Variants in PPP2R2B observed in about 807,000 individuals in gnomAD.
The protein encoded by PPP2R2B is serine/threonine-protein phosphatase 2A 55 kDa regulatory subunit B beta isoform.
In PPP2R2B, 5 loss-of-function variants were observed where a neutral mutation model predicts 46.0. That is an observed-to-expected ratio of 0.11 (90% CI 0.06 to 0.23). PPP2R2B has a LOEUF of 0.23. Ranked by LOEUF, PPP2R2B falls within the 10% of genes least tolerant of loss-of-function variation. The probability of loss-of-function intolerance (pLI) is 1.00; values close to 1 mark genes in which losing one functional copy is unlikely to be tolerated. For synonymous variants in PPP2R2B, 215 were observed against 206.7 expected, an observed-to-expected ratio of 1.04 and a Z score of -0.34; for missense variants, 367 against 575.0, an observed-to-expected ratio of 0.64 and a Z score of 3.70.
intron 1 of PPP2R2B, among the ~76,000 whole-genome samples, chr5:146,928,764 C>T (rs1277045810): frequency 6.6e-6 from 1 of 152,156 alleles, no homozygotes; most frequent in East Asian, 1.9e-4. Context: ...CTGATCATAT[C>T]AGTTTTCTAC....
intron 2 of PPP2R2B, among the ~76,000 whole-genome samples, chr5:146,841,958 A>G (rs1759676874): frequency 6.6e-6 from 1 of 152,174 alleles, no homozygotes; most frequent in Non-Finnish European, 1.5e-5. Context: ...AAGAGATTTG[A>G]TATCAGAAAT....
chr5:146,730,245 C>T (rs1014827055), intron 2 of PPP2R2B, among the ~76,000 whole-genome samples: 1 of 152,162 alleles, frequency 6.6e-6, no homozygotes, highest in African/African-American at 2.4e-5. Flanking sequence ...CAGTATCTCA[C>T]ATTTTGAATA....
intron 1 of PPP2R2B, among the ~76,000 whole-genome samples, chr5:147,041,343 G>T (rs1230618687): frequency 5.3e-5 from 8 of 152,202 alleles, no homozygotes; most frequent in Non-Finnish European, 1.2e-4. Context: ...AATTGACATT[G>T]TTCCTTTGCT....
chr5:146,815,477 C>T (rs1757875196), intron 2 of PPP2R2B, among the ~76,000 whole-genome samples: 1 of 152,214 alleles, frequency 6.6e-6, no homozygotes, highest in African/African-American at 2.4e-5. Flanking sequence ...AAATGATATT[C>T]ACAGAATCAA....
At chr5:146,992,506 C>A (rs56757250) in intron 1 of PPP2R2B, among the ~76,000 whole-genome samples, 70 of 152,018 alleles carry the variant, frequency 4.6e-4, no homozygotes, top group African/African-American at 1.6e-3. Flanking sequence ...CTCTATGTTG[C>A]GGGGAGGGCT....
rs141171401 is a variant in PPP2R2B, at chr5:146,863,858, C to T, written c.70+14144G>A. ...AGGCTAAATGAATTGAGATTTCACA[C>T]CGACTCCCAACTGTAACCCCCAAAG... is the stretch of plus-strand genomic sequence containing the variant. On this transcript the variant is annotated intron_variant, in intron 2 of 9. Coordinates refer to ENST00000394411, the MANE Select transcript of PPP2R2B (RefSeq NM_181675.4). 3.0e-3 allele frequency among the ~76,000 whole-genome samples: 457 copies of T among 152,250 alleles called. 6 individuals are homozygous for T. Among genetic ancestry groups the T allele is most frequent in the African/African-American group, 9.7e-3 (403 of 41,538 alleles).
At chr5:146,682,327 C>T (rs1001602942) in intron 5 of PPP2R2B, among the ~76,000 whole-genome samples, 1 of 152,100 alleles carries the variant, frequency 6.6e-6, no homozygotes, top group Admixed American at 6.6e-5. Flanking sequence ...TCCTGAAACT[C>T]CTAGTCTCTA....
chr5:146,839,183 T>C (rs191702052), intron 2 of PPP2R2B, among the ~76,000 whole-genome samples: 65 of 152,320 alleles, frequency 4.3e-4, no homozygotes, highest in Middle Eastern at 3.4e-3. Context: ...ACATTACTTA[T>C]GCAATACTCA....
intron 2 of PPP2R2B, among the ~76,000 whole-genome samples, chr5:146,827,999 AAG>A (rs35087951): frequency 3.0e-3 from 450 of 148,112 alleles, no homozygotes; most frequent in East Asian, 0.018. Context: ...GGCCTAGTTG[AAG>A]AGAGAGAGAG....
chr5:146,774,836 AAGAG>A (rs936275493), intron 2 of PPP2R2B, among the ~76,000 whole-genome samples: 1 of 151,934 alleles, frequency 6.6e-6, no homozygotes, highest in Non-Finnish European at 1.5e-5. Context: ...AAAAAAAGAA[AAGAG>A]AGAGAATATT....
chr5:146,805,063 G>A (rs1399827226), intron 2 of PPP2R2B, among the ~76,000 whole-genome samples: 1 of 152,196 alleles, frequency 6.6e-6, no homozygotes, highest in African/African-American at 2.4e-5. Context: ...CAGATTTTAT[G>A]TGCTGGGAAG....
intron 1 of PPP2R2B, among the ~76,000 whole-genome samples, chr5:146,993,353 C>T (rs193158430): frequency 6.6e-6 from 1 of 152,224 alleles, no homozygotes; most frequent in African/African-American, 2.4e-5. Context: ...AGCAATCCTC[C>T]TACCTCAGCC....
At chr5:146,593,726 A>T (rs1196480583) in intron 8 of PPP2R2B, among the ~76,000 whole-genome samples, 1 of 152,176 alleles carries the variant, frequency 6.6e-6, no homozygotes, top group Non-Finnish European at 1.5e-5. Flanking sequence ...AGCAAACATA[A>T]AGGCCTAGAG....
intron 2 of PPP2R2B, among the ~76,000 whole-genome samples, chr5:146,774,353 A>G (rs542984996): frequency 4.6e-5 from 7 of 152,288 alleles, no homozygotes; most frequent in African/African-American, 1.7e-4. Context: ...TAAACTGACC[A>G]AAAAATAATA....
At chr5:146,895,464 C>T (rs1021326168) in intron 1 of PPP2R2B, among the ~76,000 whole-genome samples, 5 of 152,158 alleles carry the variant, frequency 3.3e-5, no homozygotes, top group African/African-American at 1.2e-4. Flanking sequence ...ATTGGATTCC[C>T]AGTGCCTAAG....
At chr5:146,859,450 G>A (rs543489726) in intron 2 of PPP2R2B, among the ~76,000 whole-genome samples, 2 of 152,296 alleles carry the variant, frequency 1.3e-5, no homozygotes, top group African/African-American at 4.8e-5. Context: ...TATCAGCAGT[G>A]CCAAAGACAA....
At chr5:146,707,466 AGCT>A (rs1246810995) in intron 2 of PPP2R2B, 6 of 754,764 alleles carry the variant, frequency 7.9e-6, no homozygotes, top group African/African-American at 5.1e-5. Context: ...CCACCCCGGA[AGCT>A]GCTGCTGCCC....
chr5:146,689,919 A>G (rs1475323318), intron 5 of PPP2R2B, among the ~76,000 whole-genome samples: 1 of 152,242 alleles, frequency 6.6e-6, no homozygotes, highest in Non-Finnish European at 1.5e-5. Flanking sequence ...AGGACAGGGT[A>G]AACACCTAAT....
intron 2 of PPP2R2B, among the ~76,000 whole-genome samples, chr5:146,737,503 A>G (rs560768512): frequency 1.3e-5 from 2 of 152,318 alleles, no homozygotes; most frequent in East Asian, 3.9e-4. Flanking sequence ...TATCTATGGA[A>G]TCAATGGAAG....
Sources: allele counts gnomAD v4.1 joint callset (sites outside exome capture counted in the v4.1 genomes callset), GRCh38; gene constraint gnomAD v4.1.1; transcripts MANE v1.5; gene names NCBI Gene and HGNC (gene_info 2026-07-23, HGNC 2026-07-21).